Variants in CADPS observed in about 807,000 individuals in gnomAD.
The protein encoded by CADPS is calcium dependent secretion activator.
A neutral mutation model predicts 167.3 loss-of-function variants in CADPS; 57 were observed. The ratio of observed to expected loss-of-function variants is 0.34; its 90% CI spans 0.28 to 0.42. The LOEUF is 0.42. Among genes scored for constraint, CADPS ranks in the 20% least tolerant of loss-of-function variants. The pLI is 1.00. For synonymous variants in CADPS, 676 were observed against 635.3 expected (o/e 1.06, Z -0.96); for missense variants, 1,414 against 1,738.1 (o/e 0.81, Z 3.32).
In CADPS at chr3:62,701,435, G is replaced by A. The variant is rs114852439; in HGVS notation, c.889-39041C>T. On this transcript the variant is annotated intron_variant, in intron 3 of 29. Transcript: ENST00000383710. ...GACAGGGAACTCTGTGACCACTGAG[G>A]AGTCTCTTTCCAAAGCCCAAGGGCA... Among the ~76,000 whole-genome samples the A allele has an allele frequency of 5.2e-3, 788 of 151,532 alleles. 11 individuals carry two copies. The highest frequency in any genetic ancestry group is 0.018 in the African/African-American group (746 of 41,308).
intron 9 of CADPS, among the ~76,000 whole-genome samples, chr3:62,563,785 T>C (rs1042397535): frequency 6.6e-6 from 1 of 152,208 alleles, no homozygotes; most frequent in Non-Finnish European, 1.5e-5. Flanking sequence ...AATGAGAACA[T>C]ATGATGTTTG....
chr3:62,701,080 G>A (rs2081301956), intron 3 of CADPS, among the ~76,000 whole-genome samples: 1 of 152,000 alleles, frequency 6.6e-6, no homozygotes. Flanking sequence ...CTATTCTTAT[G>A]ACCTAATTAT....
intron 1 of CADPS, among the ~76,000 whole-genome samples, chr3:62,848,319 A>G: frequency 1.1e-5 from 1 of 87,298 alleles, no homozygotes; most frequent in Non-Finnish European, 2.2e-5. Context: ...TTTTGTTGCC[A>G]TTGCTTTTGG....
chr3:62,529,546 T>C (rs1359112370), intron 13 of CADPS, among the ~76,000 whole-genome samples: 2 of 152,218 alleles, frequency 1.3e-5, no homozygotes, highest in African/African-American at 4.8e-5. Flanking sequence ...ACTGTTGCCT[T>C]GCAATCTAAC....
chr3:62,843,721 A>C (rs781551664), intron 1 of CADPS, among the ~76,000 whole-genome samples: 2 of 152,194 alleles, frequency 1.3e-5, no homozygotes, highest in Non-Finnish European at 2.9e-5. Context: ...GGCAGAGGCC[A>C]CTTCCTTAAA....
intron 1 of CADPS, among the ~76,000 whole-genome samples, chr3:62,771,939 G>C (rs2088910559): frequency 6.6e-6 from 1 of 152,200 alleles, no homozygotes; most frequent in Admixed American, 6.5e-5. Flanking sequence ...GCTGAAGTCA[G>C]AGCAAGCTCA....
intron 1 of CADPS, among the ~76,000 whole-genome samples, chr3:62,868,276 T>C (rs1219746072): frequency 2.6e-5 from 4 of 152,084 alleles, no homozygotes; most frequent in Non-Finnish European, 5.9e-5. Context: ...GTGATACTTG[T>C]TAAGCAATTG....
rs1484641313 is a variant in CADPS at position 62,601,915 on chromosome 3, TA to T, written c.1326-9168del. Among the ~76,000 whole-genome samples the T allele has an allele frequency of 6.6e-6, 1 of 152,110 alleles. No homozygotes were observed. The highest frequency in any genetic ancestry group is 1.5e-5 in the Non-Finnish European group (1 of 68,028). On this transcript the variant is annotated intron_variant, in intron 6 of 29. Coordinates refer to ENST00000383710, the MANE Select transcript of CADPS (RefSeq NM_003716.4). This position sits in a 1 kb window ranked among gnomAD's most constrained non-coding sequence, Gnocchi z 4.3. ...AGTGGAGCTCAGAAAAATCTATGGG[TA>T]AAACAACCTTGTTCTCTGTGTTTGG... is the stretch of plus-strand genomic sequence containing the variant.
Position 62,478,147 on chromosome 3 carries a change from C to T in CADPS, c.3329+114G>A. ...TCCAGCTGACTTTGACAAGCAATCC[C>T]CTTCTCCAATTAGTTTCAAACTACA... On this transcript the variant is annotated intron_variant, in intron 23 of 29. Coordinates refer to ENST00000383710, the MANE Select transcript of CADPS (RefSeq NM_003716.4). The surrounding 1 kb of genome is among the most constrained non-coding windows in gnomAD (Gnocchi z 5.7). 5 of 1,175,850 alleles carry T rather than the reference C, an allele frequency of 4.3e-6. No homozygotes were observed. The highest frequency in any genetic ancestry group is 6.1e-6 in the Non-Finnish European group (5 of 818,086). The allele number at this position is 1,175,850 out of a possible 1,614,324, so 72.8% of individuals were successfully genotyped here.
chr3:62,636,231 G>T (rs2066274411), intron 6 of CADPS, among the ~76,000 whole-genome samples: 1 of 152,216 alleles, frequency 6.6e-6, no homozygotes, highest in Non-Finnish European at 1.5e-5. Context: ...GAAGGATTTA[G>T]TAGCTCACCT....
At chr3:62,402,775 C>A (rs979278733) in intron 29 of CADPS, among the ~76,000 whole-genome samples, 1 of 152,164 alleles carries the variant, frequency 6.6e-6, no homozygotes, top group African/African-American at 2.4e-5. Context: ...CATAATGACA[C>A]CAAAAGCCAG....
chr3:62,508,832 A>G (rs760515732), intron 17 of CADPS, among the ~76,000 whole-genome samples: 7 of 152,118 alleles, frequency 4.6e-5, no homozygotes, highest in Non-Finnish European at 1.0e-4. Context: ...CTGGTTTCAT[A>G]TTTGTGGGTT....
chr3:62,481,146 A>G (rs966338969), intron 22 of CADPS, among the ~76,000 whole-genome samples: 2 of 152,224 alleles, frequency 1.3e-5, no homozygotes, highest in African/African-American at 4.8e-5. Context: ...TGGAAAGTAC[A>G]TAATATATTT....
At chr3:62,845,017 C>T (rs773922389) in intron 1 of CADPS, among the ~76,000 whole-genome samples, 28 of 152,174 alleles carry the variant, frequency 1.8e-4, no homozygotes, top group Non-Finnish European at 3.8e-4. Flanking sequence ...GAAACTGTCA[C>T]GGAAACTCGT....
At chr3:62,689,991 T>A (rs1033640938) in intron 3 of CADPS, among the ~76,000 whole-genome samples, 1 of 151,794 alleles carries the variant, frequency 6.6e-6, no homozygotes, top group African/African-American at 2.4e-5. Context: ...TGGAAAGGAG[T>A]AATAAGCATT....
At chr3:62,507,779 C>A (rs1201242039) in intron 17 of CADPS, among the ~76,000 whole-genome samples, 1 of 152,128 alleles carries the variant, frequency 6.6e-6, no homozygotes, top group Non-Finnish European at 1.5e-5. Context: ...TTTCTGAAAT[C>A]AAATGATATC....
rs2086692388 is a variant in CADPS at position 62,765,792 on chromosome 3, T to C, written c.555+79A>G. 5 of 809,998 alleles carry C rather than the reference T, an allele frequency of 6.2e-6. No individual in the cohort carries two copies. In the Admixed American group the frequency reaches 1.1e-4, roughly 18 times the overall value. 50.2% of individuals were successfully genotyped at this position (809,998 alleles called of 1,614,324 possible). A position where few individuals can be genotyped will look rare whatever the true frequency, so the allele number is the denominator to read the frequency against. ...ATACTGTAGTAAACCAAAACGACTG[T>C]CCCCATTGCCCTGCAGCTCAGACTC... On this transcript the variant is annotated intron_variant, in intron 2 of 29. Transcript: ENST00000383710.
rs1192930535 is a variant in CADPS at position 62,399,708 on chromosome 3, G to A, written c.3883-123C>T. The A allele has an allele frequency of 5.6e-6, 4 of 709,420 alleles. No homozygotes were observed. The highest frequency in any genetic ancestry group is 7.1e-6 in the Non-Finnish European group (3 of 424,658). The allele number at this position is 709,420 out of a possible 1,614,324, so 43.9% of individuals were successfully genotyped here. On this transcript the variant is annotated intron_variant, in intron 29 of 29. Coordinates refer to ENST00000383710, the MANE Select transcript of CADPS (RefSeq NM_003716.4). The surrounding 1 kb of genome is among the most constrained non-coding windows in gnomAD (Gnocchi z 5.6). ...AGCTAAATATCACACTTTATGCATT[G>A]TCAAATAAAAAGCCACTGTGCTTAG... is the stretch of plus-strand genomic sequence containing the variant.
intron 6 of CADPS, among the ~76,000 whole-genome samples, chr3:62,621,313 T>C (rs1369937493): frequency 6.6e-6 from 1 of 151,902 alleles, no homozygotes; most frequent in African/African-American, 2.4e-5. Flanking sequence ...TTGGAGGAAG[T>C]TGAGTTGCGT....
Sources: gnomAD v4.1 joint callset for allele counts (sites outside exome capture counted in the v4.1 genomes callset) on GRCh38, gnomAD v4.1.1 for gene constraint, Gnocchi (gnomAD v3.1) non-coding constraint, MANE v1.5 for transcripts, NCBI Gene and HGNC (gene_info 2026-07-23, HGNC 2026-07-21) for gene names.